Variants in KIAA1549L observed in about 807,000 individuals in gnomAD.
KIAA1549L encodes KIAA1549 like.
A neutral mutation model predicts 160.7 loss-of-function variants in KIAA1549L; 88 were observed. The ratio of observed to expected loss-of-function variants is 0.55; its 90% CI spans 0.46 to 0.65. The LOEUF (loss-of-function observed/expected upper bound fraction) is 0.65, where lower values mean the gene tolerates loss of function less well. Among genes scored for constraint, KIAA1549L ranks in the 30% least tolerant of loss-of-function variants. KIAA1549L has a pLI of 0.00. For synonymous variants in KIAA1549L, 950 were observed against 976.7 expected, an observed-to-expected ratio of 0.97 and a Z score of 0.51; for missense variants, 2,258 against 2,437.5, an observed-to-expected ratio of 0.93 and a Z score of 1.55.
chr11:33,585,254 C>T (rs548716682), intron 11 of KIAA1549L, among the ~76,000 whole-genome samples: 1 of 152,298 alleles, frequency 6.6e-6, no homozygotes, highest in East Asian at 1.9e-4. Flanking sequence ...CGCGGTGGCT[C>T]ACGCCTGTAA....
At chr11:33,514,522 A>G (rs1021561875) in intron 1 of KIAA1549L, among the ~76,000 whole-genome samples, 2 of 152,196 alleles carry the variant, frequency 1.3e-5, no homozygotes, top group Admixed American at 1.3e-4. Flanking sequence ...AAAATAGTTT[A>G]TTTCTCCCGG....
intron 16 of KIAA1549L, among the ~76,000 whole-genome samples, chr11:33,624,811 G>C (rs539088079): frequency 4.0e-5 from 6 of 150,798 alleles, no homozygotes; most frequent in African/African-American, 1.5e-4. Flanking sequence ...ACAATGTGCA[G>C]GTTAGATACA....
intron 1 of KIAA1549L, among the ~76,000 whole-genome samples, chr11:33,512,810 C>T (rs1853258036): frequency 1.3e-5 from 2 of 152,156 alleles, no homozygotes; most frequent in South Asian, 4.1e-4. Context: ...TCCTAGGCGA[C>T]AACACTGAGG....
chr11:33,386,742 G>A (rs1421799059), intron 1 of KIAA1549L, among the ~76,000 whole-genome samples: 1 of 151,922 alleles, frequency 6.6e-6, no homozygotes, highest in African/African-American at 2.4e-5. Flanking sequence ...TCATGTTCAT[G>A]AGGGGTATTG....
chr11:33,547,662 G>A lies in KIAA1549L; in HGVS notation c.3386-102G>A, dbSNP rs1854310498. ...TGATGGCCCTGTGCTTACCGGCTCT[G>A]CCCAGAACTTGCAGAAGGTGGTGGT... On this transcript the variant is annotated intron_variant, in intron 3 of 20. Coordinates refer to ENST00000658780, the MANE Select transcript of KIAA1549L (RefSeq NM_012194.3). The A allele has an allele frequency of 4.1e-6, 3 of 724,964 alleles. No homozygotes were observed. In the South Asian group the frequency reaches 5.1e-5, roughly 12 times the overall value. 44.9% of individuals were successfully genotyped at this position (724,964 alleles called of 1,614,324 possible).
At chr11:33,547,910 C>A in intron 4 of KIAA1549L, 31 bp downstream of exon 4, 2 of 1,384,834 alleles carry the variant, frequency 1.4e-6, no homozygotes, top group Non-Finnish European at 2.0e-6. Flanking sequence ...CCAAGCTAAT[C>A]CATCACAGTC....
chr11:33,460,384 A>G (rs1851919244), intron 1 of KIAA1549L, among the ~76,000 whole-genome samples: 1 of 152,222 alleles, frequency 6.6e-6, no homozygotes, highest in African/African-American at 2.4e-5. Flanking sequence ...AGTGCAGCCC[A>G]AGTCTGCTGC....
intron 9 of KIAA1549L, among the ~76,000 whole-genome samples, chr11:33,572,221 G>A (rs898977508): frequency 6.6e-6 from 1 of 152,020 alleles, no homozygotes; most frequent in Non-Finnish European, 1.5e-5. Context: ...ATTTTTAGTA[G>A]AGATGGGGTT....
intron 1 of KIAA1549L, among the ~76,000 whole-genome samples, chr11:33,538,245 G>T (rs949252422): frequency 2.6e-5 from 4 of 152,142 alleles, no homozygotes; most frequent in African/African-American, 9.7e-5. Context: ...ACCTCGACCT[G>T]GTCTTTCCCT....
chr11:33,457,962 G>A (rs1002983313), intron 1 of KIAA1549L, among the ~76,000 whole-genome samples: 1 of 152,184 alleles, frequency 6.6e-6, no homozygotes, highest in Non-Finnish European at 1.5e-5. Context: ...GGATACCCAG[G>A]ACCCGAGTTC....
intron 1 of KIAA1549L, among the ~76,000 whole-genome samples, chr11:33,534,651 G>T (rs942105378): frequency 1.3e-5 from 2 of 152,116 alleles, no homozygotes; most frequent in African/African-American, 4.8e-5. Context: ...TGCTGGTGTG[G>T]TTTTGTTTCT....
At chr11:33,404,333 C>T (rs530634336) in intron 1 of KIAA1549L, among the ~76,000 whole-genome samples, 5 of 151,474 alleles carry the variant, frequency 3.3e-5, no homozygotes, top group Non-Finnish European at 5.9e-5. Context: ...GAGACCAGCC[C>T]GGGCAACATG....
intron 12 of KIAA1549L, among the ~76,000 whole-genome samples, chr11:33,597,715 C>T (rs562294487): frequency 1.3e-5 from 2 of 152,242 alleles, no homozygotes; most frequent in South Asian, 2.1e-4. Flanking sequence ...AGATGAGAGT[C>T]CCGCCCTGAG....
At chr11:33,435,798 A>ATGTGTGTGTGTGTGTGTG (rs1254104673) in intron 1 of KIAA1549L, among the ~76,000 whole-genome samples, 4 of 7,624 alleles carry the variant, frequency 5.2e-4, no homozygotes, top group South Asian at 4.9e-3. Flanking sequence ...ATATATATAT[A>ATGTGTGTGTGTGTGTGTG]TATATATATA....
In KIAA1549L at chr11:33,506,351, G is replaced by A. The variant is rs371394101; in HGVS notation, c.239-35451G>A. On this transcript the variant is annotated intron_variant, in intron 1 of 20. Transcript: ENST00000658780. ...AAAGCACATGCTGGGGCTGCAAGGC[G>A]CTCGAGTTAGAAAACCATCTGATAT... Among the ~76,000 whole-genome samples the A allele has an allele frequency of 5.9e-5, 9 of 152,304 alleles. No individual in the cohort carries two copies. The East Asian group carries it at 7.7e-4, about 13-fold the overall frequency.
intron 1 of KIAA1549L, among the ~76,000 whole-genome samples, chr11:33,425,291 A>G (rs1199116216): frequency 6.6e-6 from 1 of 152,078 alleles, no homozygotes; most frequent in Non-Finnish European, 1.5e-5. Flanking sequence ...AATTTTGTCA[A>G]TTAGAGGACT....
At chr11:33,629,693 A>T (rs997679014) in intron 16 of KIAA1549L, among the ~76,000 whole-genome samples, 1 of 150,618 alleles carries the variant, frequency 6.6e-6, no homozygotes, top group East Asian at 1.9e-4. Context: ...ATTCTTCTAA[A>T]TTTTTTTCAA....
chr11:33,400,407 G>A, intron 1 of KIAA1549L, among the ~76,000 whole-genome samples: 1 of 152,190 alleles, frequency 6.6e-6, no homozygotes, highest in East Asian at 1.9e-4. Flanking sequence ...GTTACAATGG[G>A]AATGGACTGC....
At chr11:33,541,474 G>A (rs1459417390) in intron 1 of KIAA1549L, among the ~76,000 whole-genome samples, 1 of 152,180 alleles carries the variant, frequency 6.6e-6, no homozygotes, top group Admixed American at 6.5e-5. Context: ...CATTGGCCAT[G>A]GCAGTTGACC....
Sources: allele counts gnomAD v4.1 joint callset (sites outside exome capture counted in the v4.1 genomes callset), GRCh38; gene constraint gnomAD v4.1.1; transcripts MANE v1.5; gene names NCBI Gene and HGNC (gene_info 2026-07-23, HGNC 2026-07-21).